The following CRYBG3 variants were observed in gnomAD, a reference collection of about 807,000 sequenced individuals.
CRYBG3 encodes very large A-kinase anchor protein.
Under a neutral mutation model 244.2 loss-of-function variants are expected in CRYBG3, and 127 were observed. The observed-to-expected ratio is 0.52, with a 90% CI of 0.45 to 0.60. CRYBG3 has a LOEUF of 0.60. Ranked by LOEUF, CRYBG3 falls within the 20% of genes least tolerant of loss-of-function variation. The pLI, the probability that CRYBG3 is intolerant of heterozygous loss-of-function variation, is 0.00. For missense variants in CRYBG3, 3,325 were observed against 3,442.5 expected, an observed-to-expected ratio of 0.97 and a Z score of 0.85; for synonymous variants, 1,132 against 1,195.8, an observed-to-expected ratio of 0.95 and a Z score of 1.10.
chr3:97,857,883 A>G (rs938488939), intron 2 of CRYBG3, among the ~76,000 whole-genome samples: 34 of 152,016 alleles, frequency 2.2e-4, no homozygotes, highest in African/African-American at 1.2e-4. Context: ...ATCATTTCGT[A>G]TATACATTGT....
At position 97,875,586 on chromosome 3, in the gene CRYBG3, T is replaced by A; in HGVS notation, c.4392T>A (p.Thr1464=). 1 of 1,238,714 alleles carries A rather than the reference T, an allele frequency of 8.1e-7. No individual in the cohort carries two copies. Among genetic ancestry groups the A allele is most frequent in the Non-Finnish European group, 1.0e-6 (1 of 992,696 alleles). 76.7% of individuals were successfully genotyped at this position (1,238,714 alleles called of 1,614,324 possible). ...MEIENVDNNK[T]ETEDRRTLVL... ...TAGAGAATGTGGATAATAACAAAAC[T>A]GAGACAGAGGACAGAAGAACTCTTG... Residue 1464 remains threonine (T), a synonymous_variant, in exon 4 of 22, where the codon ACT becomes ACA. Transcript: ENST00000389622.
At chr3:97,911,388 T>G (rs2039870510) in intron 15 of CRYBG3, among the ~76,000 whole-genome samples, 1 of 152,212 alleles carries the variant, frequency 6.6e-6, no homozygotes, top group Admixed American at 6.5e-5. Flanking sequence ...TCAAGGCTAC[T>G]AGAGTTGCAG....
Position 97,933,841 on chromosome 3 carries a change from T to A in CRYBG3, c.8381+8T>A. 1 of 1,609,980 alleles carries A rather than the reference T, an allele frequency of 6.2e-7. No individual in the cohort carries two copies. The highest frequency in any genetic ancestry group is 8.5e-7 in the Non-Finnish European group (1 of 1,177,758). On this transcript the variant is annotated splice_region_variant and intron_variant, in intron 18 of 21. Coordinates refer to ENST00000389622, the MANE Select transcript of CRYBG3 (RefSeq NM_153605.4). ...GTGGGTAAAAAGTGGACTGTAAGTA[T>A]GGGAAAAAGGCTTGGTCTGGTTCAG...
chr3:97,920,437 G>T (rs1020967324), intron 17 of CRYBG3, among the ~76,000 whole-genome samples: 1 of 151,992 alleles, frequency 6.6e-6, no homozygotes, highest in South Asian at 2.1e-4. Flanking sequence ...ATTCCACATG[G>T]GTCTTCAGCA....
At chr3:97,856,579 G>A (rs368400525) in intron 2 of CRYBG3, among the ~76,000 whole-genome samples, 74 of 152,300 alleles carry the variant, frequency 4.9e-4, no homozygotes, top group African/African-American at 1.7e-3. Flanking sequence ...AAATGTCCAT[G>A]AAATCTTCAC....
intron 1 of CRYBG3, chr3:97,840,536 G>A (rs2038797254): frequency 6.6e-6 from 1 of 152,010 alleles, no homozygotes; most frequent in Non-Finnish European, 1.5e-5. Context: ...GAATTTGTGT[G>A]TGTGTTTGTA....
In CRYBG3 at chr3:97,899,137, A is replaced by G; in HGVS notation, c.7845A>G (p.Val2615=). The G allele has an allele frequency of 6.2e-7, 1 of 1,608,462 alleles. No homozygotes were observed. The highest frequency in any genetic ancestry group is 8.5e-7 in the Non-Finnish European group (1 of 1,178,502). Residue 2615 remains valine (V), a splice_region_variant and synonymous_variant, in exon 14 of 22, where the codon GTA becomes GTG. Coordinates refer to ENST00000389622, the MANE Select transcript of CRYBG3 (RefSeq NM_153605.4). The part of the protein sequence containing the change: ...KTRSIHVKSG[V]WVAYQQKFFC... ...TTGTTTTTTCTTTTTTCCCTACTAG[A>G]TGGGTTGCCTACCAGCAAAAGTTCT...
chr3:97,900,068 G>T (rs957730588), intron 14 of CRYBG3, among the ~76,000 whole-genome samples: 1 of 152,220 alleles, frequency 6.6e-6, no homozygotes, highest in African/African-American at 2.4e-5. Context: ...AATTTTTCAA[G>T]CTGGGTGCAG....
intron 3 of CRYBG3, among the ~76,000 whole-genome samples, chr3:97,866,703 G>A (rs34152876): frequency 0.22 from 33,152 of 152,044 alleles, 4,117 homozygotes; most frequent in Middle Eastern, 0.3. Flanking sequence ...TGATTGGTTA[G>A]GTCAGATTTT....
intron 2 of CRYBG3, among the ~76,000 whole-genome samples, chr3:97,861,472 C>T (rs967186746): frequency 5.3e-5 from 8 of 152,028 alleles, no homozygotes; most frequent in African/African-American, 1.2e-4. Context: ...TATTTTGTTG[C>T]GTTGGGCCCC....
chr3:97,862,841 C>T (rs865976328), intron 2 of CRYBG3, among the ~76,000 whole-genome samples: 4 of 152,156 alleles, frequency 2.6e-5, no homozygotes, highest in African/African-American at 4.8e-5. Context: ...ACACATCAAA[C>T]AATGCCATGT....
intron 1 of CRYBG3, among the ~76,000 whole-genome samples, chr3:97,833,619 A>G (rs116657821): frequency 0.01 from 1,527 of 152,154 alleles, 34 homozygotes; most frequent in African/African-American, 0.034. Context: ...ACCTAATGTG[A>G]TGACAGGTTG....
chr3:97,881,216 A>G lies in CRYBG3; in HGVS notation c.7149A>G (p.Leu2383=), dbSNP rs929355240. 3 of 1,594,806 alleles carry G rather than the reference A, an allele frequency of 1.9e-6. No individual in the cohort carries two copies. The change falls in exon 7 of 22, where the codon TTA becomes TTG. Residue 2383 remains leucine, a synonymous_variant. Coordinates refer to ENST00000389622, the MANE Select transcript of CRYBG3 (RefSeq NM_153605.4). ...TATTGGGTTCTCTCAAACGTGTCTT[A>G]AAGGTAACAACTGTAGATTTTTCTA... ...NFILGSLKRV[L]KDCSIPEIEL...
At position 97,873,578 on chromosome 3, in the gene CRYBG3, G is replaced by T. The variant is rs899468120; in HGVS notation, c.2384G>T (p.Ser795Ile). ...LVSSNTKANM[S>I]IIEKSDSLSL... ...TCTTCAAACACTAAAGCAAATATGA[G>T]CATAATAGAGAAGTCTGATTCTCTT... The change falls in exon 4 of 22, where the codon AGC becomes ATC. Residue 795 changes from serine (S) to isoleucine (I), a missense_variant. Physicochemically the swap from Ser to Ile is moderately radical, Grantham distance 142. Around this residue, in one of 4 missense-constraint regions of CRYBG3, gnomAD observed 1,526 missense variants for 1,443.2 expected, o/e 1.06. Transcript: ENST00000389622. 1 of 1,535,370 alleles carries T rather than the reference G, an allele frequency of 6.5e-7. No homozygotes were observed. Among genetic ancestry groups the T allele is most frequent in the Admixed American group, 2.0e-5 (1 of 50,902 alleles).
intron 19 of CRYBG3, among the ~76,000 whole-genome samples, chr3:97,938,984 G>A (rs138339551): frequency 3.4e-4 from 52 of 152,040 alleles, no homozygotes; most frequent in African/African-American, 1.2e-3. Flanking sequence ...AAGCAAAGTA[G>A]AGATAGGAAT....
intron 16 of CRYBG3, among the ~76,000 whole-genome samples, chr3:97,915,027 A>T (rs2039912165): frequency 6.6e-6 from 1 of 152,146 alleles, no homozygotes; most frequent in South Asian, 2.1e-4. Context: ...AAAATTTTCC[A>T]TTAGTTGTCA....
intron 15 of CRYBG3, among the ~76,000 whole-genome samples, chr3:97,904,295 A>G (rs1435166147): frequency 6.6e-6 from 1 of 152,206 alleles, no homozygotes; most frequent in Non-Finnish European, 1.5e-5. Context: ...TGGGTGAATC[A>G]TATACCATAT....
Position 97,943,691 on chromosome 3 carries a change from A to G in CRYBG3, c.*377A>G, listed in dbSNP as rs1332900283. ...ATCCTGTATTATTTATTAATATCCTACCTAGATGCTTGTATGAGTACAAAG... is the reference window on the plus strand; with the variant it reads ...ATCCTGTATTATTTATTAATATCCTGCCTAGATGCTTGTATGAGTACAAAG... On this transcript the variant is annotated 3_prime_UTR_variant, in exon 22 of 22. Coordinates refer to ENST00000389622, the MANE Select transcript of CRYBG3 (RefSeq NM_153605.4). The G allele has an allele frequency of 5.3e-6, 1 of 189,780 alleles. No individual in the cohort carries two copies. The highest frequency in any genetic ancestry group is 1.8e-4 in the East Asian group (1 of 5,576). The allele number at this position is 189,780 out of a possible 1,614,324, so 11.8% of individuals were successfully genotyped here.
chr3:97,828,303 C>A (rs1177440534), intron 1 of CRYBG3, among the ~76,000 whole-genome samples: 1 of 152,104 alleles, frequency 6.6e-6, no homozygotes, highest in African/African-American at 2.4e-5. Flanking sequence ...GGGAATTCCA[C>A]TGAACATGTA....
Sources: allele counts gnomAD v4.1 joint callset (sites outside exome capture counted in the v4.1 genomes callset), GRCh38; gene constraint gnomAD v4.1.1; regional missense constraint gnomAD v4.1.1; transcripts MANE v1.5; gene names NCBI Gene and HGNC (gene_info 2026-07-23, HGNC 2026-07-21).